PIK3C2G: variants seen among roughly 807,000 people sequenced by gnomAD.
PIK3C2G encodes phosphatidylinositol 3-kinase C2 domain-containing subunit gamma.
A neutral mutation model predicts 181.1 loss-of-function variants in PIK3C2G; 168 were observed. That is an observed-to-expected ratio of 0.93 (90% CI 0.82 to 1.05). The LOEUF is 1.05. Among genes scored for constraint, PIK3C2G ranks in the 50% least tolerant of loss-of-function variants. PIK3C2G has a pLI of 0.00. For synonymous variants in PIK3C2G, 573 were observed against 592.2 expected, an observed-to-expected ratio of 0.97 and a Z score of 0.47; for missense variants, 1,869 against 1,732.8, an observed-to-expected ratio of 1.08 and a Z score of -1.40.
At chr12:18,453,960 T>C (rs1017404853) in intron 18 of PIK3C2G, among the ~76,000 whole-genome samples, 1 of 152,202 alleles carries the variant, frequency 6.6e-6, no homozygotes, top group Non-Finnish European at 1.5e-5. Flanking sequence ...ATTTTATTAA[T>C]GTAAAGCTTC....
chr12:18,341,748 TCCAC>T (rs1939163642), intron 9 of PIK3C2G, among the ~76,000 whole-genome samples: 1 of 152,140 alleles, frequency 6.6e-6, no homozygotes, highest in Non-Finnish European at 1.5e-5. Context: ...AAGCAGTCTA[TCCAC>T]CCACCATGAA....
upstream of PIK3C2G, among the ~76,000 whole-genome samples, chr12:18,259,338 C>T (rs745594977): frequency 6.6e-6 from 1 of 152,160 alleles, no homozygotes; most frequent in East Asian, 1.9e-4. Context: ...ATGCAGGTAG[C>T]CAGCTTCGGG....
chr12:18,471,951 A>G (rs1938502279), intron 18 of PIK3C2G, among the ~76,000 whole-genome samples: 1 of 152,124 alleles, frequency 6.6e-6, no homozygotes, highest in Non-Finnish European at 1.5e-5. Flanking sequence ...GATTCCATTT[A>G]TATCAAATTA....
chr12:18,292,227 A>AAAAAAAATATATAT, intron 4 of PIK3C2G, among the ~76,000 whole-genome samples: 54 of 48,680 alleles, frequency 1.1e-3, no homozygotes, highest in Admixed American at 1.4e-3. Flanking sequence ...AAAAAAAAAA[A>AAAAAAAATATATAT]ATATATATAT....
chr12:18,498,326 A>C (rs1366919215), intron 22 of PIK3C2G, among the ~76,000 whole-genome samples: 1 of 152,236 alleles, frequency 6.6e-6, no homozygotes, highest in East Asian at 1.9e-4. Context: ...ATTTTCAGTG[A>C]AAGTAATGTC....
chr12:18,539,550 G>T (rs1473136563), intron 25 of PIK3C2G, among the ~76,000 whole-genome samples: 1 of 151,632 alleles, frequency 6.6e-6, no homozygotes, highest in Non-Finnish European at 1.5e-5. Flanking sequence ...TAAAATTCCA[G>T]TCTTCAATTT....
At chr12:18,565,626 AG>A (rs1945589878) in intron 28 of PIK3C2G, among the ~76,000 whole-genome samples, 1 of 152,324 alleles carries the variant, frequency 6.6e-6, no homozygotes, top group African/African-American at 2.4e-5. Context: ...GTCAGACAAA[AG>A]GTCATTAAAA....
chr12:18,428,006 G>A (rs545396335), intron 18 of PIK3C2G, among the ~76,000 whole-genome samples: 2 of 152,122 alleles, frequency 1.3e-5, no homozygotes, highest in African/African-American at 4.8e-5. Flanking sequence ...GGGATTTATT[G>A]TGCAGATTAT....
In PIK3C2G at chr12:18,641,418, T is replaced by C. The variant is rs146255001; in HGVS notation, c.4308+864T>C. Among the ~76,000 whole-genome samples, 626 of 152,270 alleles carry C rather than the reference T, an allele frequency of 4.1e-3. 5 individuals are homozygous for C. Among genetic ancestry groups the C allele is most frequent in the African/African-American group, 0.015 (603 of 41,560 alleles). On this transcript the variant is annotated intron_variant, in intron 32 of 32. Transcript: ENST00000538779. ...CAGGCTCTCGTGCCTGGATCAGTTA[T>C]ACAGCAGCACTACTGACCACAGCCC...
chr12:18,273,356 T>G (rs562992323), intron 1 of PIK3C2G, among the ~76,000 whole-genome samples: 2 of 152,288 alleles, frequency 1.3e-5, no homozygotes, highest in East Asian at 3.9e-4. Context: ...ACCAGTACCA[T>G]GCTGTTTTGG....
At chr12:18,651,684 G>A (rs1162534660), downstream of PIK3C2G, among the ~76,000 whole-genome samples, 1 of 152,128 alleles carries the variant, frequency 6.6e-6, no homozygotes, top group East Asian at 1.9e-4. Flanking sequence ...AGCCTTTGAA[G>A]GCCTTTTCTC....
chr12:18,681,520 T>C, the PIK3C2G span, among the ~76,000 whole-genome samples: 1 of 152,186 alleles, frequency 6.6e-6, no homozygotes, highest in East Asian at 1.9e-4. Context: ...TTTACATGAA[T>C]AAAATCTGTT....
At chr12:18,663,622 C>G in the PIK3C2G span, among the ~76,000 whole-genome samples, 2 of 151,424 alleles carry the variant, frequency 1.3e-5, no homozygotes, top group African/African-American at 4.9e-5. Flanking sequence ...CTAAACATAA[C>G]AGCAAAAACT....
At chr12:18,378,321 C>G (rs988699001) in intron 13 of PIK3C2G, among the ~76,000 whole-genome samples, 5 of 149,838 alleles carry the variant, frequency 3.3e-5, no homozygotes, top group East Asian at 3.9e-4. Flanking sequence ...AGTTCCCCCC[C>G]CCGTAACTAA....
intron 18 of PIK3C2G, among the ~76,000 whole-genome samples, chr12:18,446,336 C>T (rs1028706578): frequency 6.6e-6 from 1 of 152,024 alleles, no homozygotes; most frequent in Non-Finnish European, 1.5e-5. Flanking sequence ...GTTGGATAAG[C>T]CAATTGGCAG....
chr12:18,575,589 A>T (rs11044201), intron 29 of PIK3C2G, among the ~76,000 whole-genome samples: 23,402 of 152,084 alleles, frequency 0.15, 2,115 homozygotes, highest in East Asian at 0.25. Flanking sequence ...TGTTGTGTCA[A>T]AGGGCAACTG....
At chr12:18,456,694 C>A (rs1049293758) in intron 18 of PIK3C2G, among the ~76,000 whole-genome samples, 5 of 152,120 alleles carry the variant, frequency 3.3e-5, no homozygotes, top group African/African-American at 1.2e-4. Context: ...CCCAGGTAAC[C>A]TTTTCCTATT....
At chr12:18,358,175 C>G (rs1940916449) in intron 11 of PIK3C2G, among the ~76,000 whole-genome samples, 1 of 152,096 alleles carries the variant, frequency 6.6e-6, no homozygotes. Context: ...CCACTTTTTT[C>G]TGCTCTCATA....
chr12:18,696,321 A>G, the PIK3C2G span: 2 of 301,294 alleles, frequency 6.6e-6, no homozygotes, highest in South Asian at 2.3e-5. Flanking sequence ...TTAAAAAGCC[A>G]CTATATATAT....
Sources: gnomAD v4.1 joint callset for allele counts (sites outside exome capture counted in the v4.1 genomes callset) on GRCh38, gnomAD v4.1.1 for gene constraint, MANE v1.5 for transcripts, NCBI Gene and HGNC (gene_info 2026-07-23, HGNC 2026-07-21) for gene names.